The following PCDHGA4 variants were observed in gnomAD, a reference collection of about 807,000 sequenced individuals.
PCDHGA4 encodes the protein protocadherin gamma subfamily A, 4, also known as protocadherin gamma-A4.
Under a neutral mutation model 54.6 loss-of-function variants are expected in PCDHGA4, and 38 were observed. That is an observed-to-expected ratio of 0.70 (90% CI 0.54 to 0.91). The LOEUF is 0.91. Ranked by LOEUF, PCDHGA4 falls within the 40% of genes least tolerant of loss-of-function variation. PCDHGA4 has a pLI of 0.00. For missense variants in PCDHGA4, 1,298 were observed against 1,220.9 expected (o/e 1.06, Z -0.94); for synonymous variants, 511 against 512.9 (o/e 1.00, Z 0.05).
rs187713374 is a variant in PCDHGA4, at chr5:141,430,744, C to G, written c.2515-64063C>G. 2.5e-4 allele frequency: 380 copies of G among 1,498,404 alleles called. 1 individual carries two copies. In the African/African-American group the frequency reaches 4.6e-3, roughly 18 times the overall value. The allele number at this position is 1,498,404 out of a possible 1,614,324, so 92.8% of individuals were successfully genotyped here. A position where few individuals can be genotyped will look rare whatever the true frequency, so the allele number is the denominator to read the frequency against. ...GTTAAGGGCAGAATTGAAAATAATTCTGGAGGAAGATAAGAATGATTCCTG... is the reference window on the plus strand; with the variant it reads ...GTTAAGGGCAGAATTGAAAATAATTGTGGAGGAAGATAAGAATGATTCCTG... On this transcript the variant is annotated intron_variant, in intron 1 of 3. Coordinates refer to ENST00000571252, the MANE Select transcript of PCDHGA4 (RefSeq NM_018917.4).
chr5:141,478,445 G>C (rs773567457), intron 1 of PCDHGA4: 1 of 1,613,570 alleles, frequency 6.2e-7, no homozygotes, highest in Non-Finnish European at 8.5e-7. Flanking sequence ...GAAGAAACCT[G>C]GTGCAGCCAG....
chr5:141,460,157 C>T (rs1388985005), intron 1 of PCDHGA4, among the ~76,000 whole-genome samples: 1 of 151,968 alleles, frequency 6.6e-6, no homozygotes, highest in Admixed American at 6.6e-5. Context: ...CTCTTTGTCA[C>T]ATACATATTT....
chr5:141,374,853 TAGGCACACCAGTGTTG>T, intron 1 of PCDHGA4: 1 of 1,613,796 alleles, frequency 6.2e-7, no homozygotes, highest in Non-Finnish European at 8.5e-7. Context: ...AACCTGCCAG[TAGGCACACCAGTGTTG>T]GCAGTGACTG....
chr5:141,399,311 A>G, intron 1 of PCDHGA4: 1 of 1,613,970 alleles, frequency 6.2e-7, no homozygotes, highest in Non-Finnish European at 8.5e-7. Flanking sequence ...TCTTCATCCA[A>G]AAATTCGTAT....
In PCDHGA4 at chr5:141,477,857, C is replaced by A. The variant is rs548674958; in HGVS notation, c.2515-16950C>A. On this transcript the variant is annotated intron_variant, in intron 1 of 3. Transcript: ENST00000571252. The surrounding 1 kb of genome is among the most constrained non-coding windows in gnomAD (Gnocchi z 4.9). ...AGGTGGGAGCTCGGTGGAGATGCTG[C>A]CTCGAGGTACCTCAGCTGGCCACCT... 2.9e-5 allele frequency: 47 copies of A among 1,613,454 alleles called. No individual in the cohort carries two copies. In the South Asian group the frequency reaches 4.9e-4, roughly 17 times the overall value.
chr5:141,360,204 T>G (rs751196822), intron 1 of PCDHGA4: 1 of 1,612,988 alleles, frequency 6.2e-7, no homozygotes, highest in Non-Finnish European at 8.5e-7. Context: ...TCCTGTTGTC[T>G]TTGTTCCCCG....
At chr5:141,362,201 A>G in intron 1 of PCDHGA4, 7 of 1,613,962 alleles carry the variant, frequency 4.3e-6, no homozygotes, top group Non-Finnish European at 5.9e-6. Flanking sequence ...GCAAAACTGC[A>G]GTTTTACCTG....
At chr5:141,502,134 C>T (rs566073996) in intron 2 of PCDHGA4, among the ~76,000 whole-genome samples, 10 of 152,288 alleles carry the variant, frequency 6.6e-5, no homozygotes, top group African/African-American at 2.2e-4. Flanking sequence ...AGAGCTCAGT[C>T]GGGCCGGAAG....
chr5:141,421,592 T>C (rs1590304832), intron 1 of PCDHGA4: 1 of 1,613,272 alleles, frequency 6.2e-7, no homozygotes, highest in Non-Finnish European at 8.5e-7. Context: ...GGAGTGGAGG[T>C]GGAAATAATA....
chr5:141,410,665 G>A, intron 1 of PCDHGA4: 1 of 1,569,394 alleles, frequency 6.4e-7, no homozygotes, highest in Non-Finnish European at 8.6e-7. Context: ...TAGTCTACTA[G>A]TTTCTCATAT....
At chr5:141,360,420 A>C (rs766750487) in intron 1 of PCDHGA4, 2 of 1,613,888 alleles carry the variant, frequency 1.2e-6, no homozygotes, top group African/African-American at 2.7e-5. Flanking sequence ...GAGAACAGAT[A>C]TGCGGGAAGC....
chr5:141,424,203 GC>G (rs777832241), intron 1 of PCDHGA4: 3 of 175,740 alleles, frequency 1.7e-5, no homozygotes, highest in Non-Finnish European at 3.6e-5. Flanking sequence ...ATACACGTAA[GC>G]TTTTCTCTGA....
At chr5:141,423,800 T>A in intron 1 of PCDHGA4, 2 of 895,132 alleles carry the variant, frequency 2.2e-6, no homozygotes, top group Non-Finnish European at 2.9e-6. Flanking sequence ...TTTAGAGCAA[T>A]ACATGTGAGT....
intron 1 of PCDHGA4, chr5:141,418,230 A>T (rs745395585): frequency 6.2e-7 from 1 of 1,614,058 alleles, no homozygotes; most frequent in Non-Finnish European, 8.5e-7. Context: ...GTGGTGATTG[A>T]GGATGTTAAT....
In PCDHGA4 at chr5:141,371,800, C is replaced by T. The variant is rs770172046; in HGVS notation, c.2514+14179C>T. On this transcript the variant is annotated intron_variant, in intron 1 of 3. Transcript: ENST00000571252. ...GTAGCTGAGAACAATCCGCCTGGAGCCTCCATTGCGCATGTCAGAGCCTCG... is the reference window on the plus strand; with the variant it reads ...GTAGCTGAGAACAATCCGCCTGGAGTCTCCATTGCGCATGTCAGAGCCTCG... 3.7e-6 allele frequency: 6 copies of T among 1,613,760 alleles called. No individual in the cohort carries two copies. In the Admixed American group the frequency reaches 1.0e-4, roughly 27 times the overall value.
At chr5:141,460,453 A>T (rs1487816393) in intron 1 of PCDHGA4, among the ~76,000 whole-genome samples, 3 of 152,152 alleles carry the variant, frequency 2.0e-5, no homozygotes, top group Non-Finnish European at 4.4e-5. Flanking sequence ...ATGAAGATTC[A>T]TATTTTTTTC....
chr5:141,428,658 T>G (rs932328483), intron 1 of PCDHGA4: 1 of 165,620 alleles, frequency 6.0e-6, no homozygotes, highest in Non-Finnish European at 1.3e-5. Flanking sequence ...TGAGTTCCAA[T>G]GAATGTCTTT....
chr5:141,418,350 T>A, intron 1 of PCDHGA4: 1 of 1,614,002 alleles, frequency 6.2e-7, no homozygotes, highest in Non-Finnish European at 8.5e-7. Context: ...GATATTAGTA[T>A]GAATTCGCTG....
Position 141,491,307 on chromosome 5 carries a change from C to CCTTA in PCDHGA4, c.2515-3498_2515-3495dup. On this transcript the variant is annotated intron_variant, in intron 1 of 3. Transcript: ENST00000571252. The surrounding 1 kb of genome is among the most constrained non-coding windows in gnomAD (Gnocchi z 6.9). ...TCATACACCCTCCTGAGCGTTCAGA[C>CCTTA]CTTACCCTTTACCTCATTGTGGCTC... 1 of 1,614,152 alleles carries CCTTA rather than the reference C, an allele frequency of 6.2e-7. No individual in the cohort carries two copies. Among genetic ancestry groups the CCTTA allele is most frequent in the Non-Finnish European group, 8.5e-7 (1 of 1,179,986 alleles).
Sources: allele counts gnomAD v4.1 joint callset (sites outside exome capture counted in the v4.1 genomes callset), GRCh38; gene constraint gnomAD v4.1.1; non-coding constraint Gnocchi (gnomAD v3.1); transcripts MANE v1.5; gene names NCBI Gene and HGNC (gene_info 2026-07-23, HGNC 2026-07-21).